Variants in MAGI2 observed in about 807,000 individuals in gnomAD.
The protein encoded by MAGI2 is membrane associated guanylate kinase, WW and PDZ domain containing 2.
MAGI2 carries 35 observed loss-of-function variants against 133.3 expected under a neutral mutation model. The observed-to-expected ratio is 0.26, with a 90% CI of 0.20 to 0.35. MAGI2 has a LOEUF of 0.35. MAGI2 is among the 10% of genes least tolerant of loss of function. The pLI, the probability that MAGI2 is intolerant of heterozygous loss-of-function variation, is 1.00. For missense variants in MAGI2, 1,636 were observed against 1,863.4 expected (o/e 0.88, Z 2.25); for synonymous variants, 729 against 710.6 (o/e 1.03, Z -0.41).
At chr7:78,397,397 A>C (rs1346209987) in intron 6 of MAGI2, among the ~76,000 whole-genome samples, 2 of 146,956 alleles carry the variant, frequency 1.4e-5, no homozygotes, top group Non-Finnish European at 3.0e-5. Context: ...ACACACACAC[A>C]CCCCTTGTCT....
At chr7:79,229,877 C>T (rs994340734) in intron 1 of MAGI2, among the ~76,000 whole-genome samples, 50 of 151,166 alleles carry the variant, frequency 3.3e-4, no homozygotes, top group African/African-American at 1.2e-3. Context: ...ATGTGCCATG[C>T]TGGTGCAGTG....
rs566412553 is a variant in MAGI2, at chr7:78,683,237, C to T, written c.419-55998G>A. ...TGTCTTATCCATTGTAAGGGCAATA[C>T]CAATCAGGAGGACCTATTTAGAGGC... On this transcript the variant is annotated intron_variant, in intron 2 of 21. Transcript: ENST00000354212. 1.5e-3 allele frequency among the ~76,000 whole-genome samples: 222 copies of T among 152,168 alleles called. 1 individual carries two copies. Among genetic ancestry groups the T allele is most frequent in the South Asian group, 9.1e-3 (44 of 4,826 alleles).
intron 1 of MAGI2, among the ~76,000 whole-genome samples, chr7:79,048,507 T>C (rs1218284592): frequency 6.6e-6 from 1 of 152,238 alleles, no homozygotes; most frequent in Non-Finnish European, 1.5e-5. Flanking sequence ...CATTTTTTAG[T>C]GTGTTTCAGC....
intron 1 of MAGI2, among the ~76,000 whole-genome samples, chr7:79,425,308 T>C (rs1381023361): frequency 6.6e-6 from 1 of 151,740 alleles, no homozygotes; most frequent in African/African-American, 2.4e-5. Flanking sequence ...CTTCCTGCTA[T>C]TTCAAATGTG....
chr7:79,348,300 T>C (rs1023003795), intron 1 of MAGI2, among the ~76,000 whole-genome samples: 5 of 151,886 alleles, frequency 3.3e-5, no homozygotes, highest in African/African-American at 1.2e-4. Flanking sequence ...AGTGGTATTT[T>C]TGAGTGAAAA....
At chr7:78,127,548 T>A (rs2074643) in intron 18 of MAGI2, 132 bp from the exon 19 acceptor site, 1 of 642,524 alleles carries the variant, frequency 1.6e-6, no homozygotes, top group Non-Finnish European at 2.7e-6. Flanking sequence ...TCCTGTTGGA[T>A]GCTCAGGATT....
chr7:79,243,180 T>C (rs1055010839), intron 1 of MAGI2, among the ~76,000 whole-genome samples: 1 of 152,080 alleles, frequency 6.6e-6, no homozygotes, highest in Non-Finnish European at 1.5e-5. Flanking sequence ...TATTACAGTG[T>C]TCTGAAAAGC....
At chr7:79,321,853 TG>T (rs1448509894) in intron 1 of MAGI2, among the ~76,000 whole-genome samples, 2 of 152,194 alleles carry the variant, frequency 1.3e-5, no homozygotes, top group African/African-American at 4.8e-5. Context: ...AAGTTACTAT[TG>T]TTGGAAATAG....
intron 2 of MAGI2, among the ~76,000 whole-genome samples, chr7:78,890,994 G>A (rs1796699596): frequency 6.6e-6 from 1 of 151,994 alleles, no homozygotes; most frequent in African/African-American, 2.4e-5. Flanking sequence ...GAATAATAAA[G>A]AAGAAAAGAG....
At chr7:79,144,983 T>C (rs1369811111) in intron 1 of MAGI2, among the ~76,000 whole-genome samples, 4 of 152,208 alleles carry the variant, frequency 2.6e-5, no homozygotes, top group Non-Finnish European at 5.9e-5. Context: ...GTTTCATTTT[T>C]GGTTTCTATG....
chr7:78,498,441 T>A (rs4730332), intron 5 of MAGI2, among the ~76,000 whole-genome samples: 92,252 of 152,026 alleles, frequency 0.61, 29,398 homozygotes, highest in African/African-American at 0.82. Flanking sequence ...AAGCAAAGGT[T>A]CTCACAGATC....
intron 9 of MAGI2, among the ~76,000 whole-genome samples, chr7:78,257,958 G>A (rs551229196): frequency 5.9e-5 from 9 of 152,326 alleles, no homozygotes; most frequent in African/African-American, 1.9e-4. Context: ...AACTTTTAGA[G>A]TTGACAACTT....
intron 21 of MAGI2, among the ~76,000 whole-genome samples, chr7:78,043,813 G>T (rs945385010): frequency 5.9e-5 from 9 of 152,146 alleles, no homozygotes; most frequent in Admixed American, 3.3e-4. Context: ...AACCTTAAGA[G>T]GTGTAAGTTT....
intron 1 of MAGI2, among the ~76,000 whole-genome samples, chr7:79,355,533 A>G (rs1841967620): frequency 1.3e-5 from 2 of 152,210 alleles, no homozygotes; most frequent in Non-Finnish European, 1.5e-5. Context: ...AAGTAAGTTC[A>G]CTGCAACTGA....
At chr7:78,528,959 C>T (rs1007980958) in intron 3 of MAGI2, among the ~76,000 whole-genome samples, 3 of 151,248 alleles carry the variant, frequency 2.0e-5, no homozygotes. Context: ...AGGAAGTCCA[C>T]AACTGTACAA....
At chr7:78,972,022 T>G (rs1235960336) in intron 2 of MAGI2, among the ~76,000 whole-genome samples, 2 of 151,934 alleles carry the variant, frequency 1.3e-5, no homozygotes, top group Non-Finnish European at 1.5e-5. Context: ...AAATAAGAGA[T>G]GAAAAGGGCC....
At chr7:79,156,758 G>A (rs36017637) in intron 1 of MAGI2, among the ~76,000 whole-genome samples, 2,146 of 152,098 alleles carry the variant, frequency 0.014, 23 homozygotes, top group Non-Finnish European at 0.022. Flanking sequence ...CTGTGTCCCT[G>A]GTAATGGTCA....
At chr7:78,241,990 T>C (rs117253556) in intron 10 of MAGI2, among the ~76,000 whole-genome samples, 2,355 of 152,154 alleles carry the variant, frequency 0.015, 25 homozygotes, top group Non-Finnish European at 0.023. Flanking sequence ...TCAATAGTTA[T>C]ATATCCTTGA....
chr7:78,212,690 C>T (rs775981074), intron 10 of MAGI2, among the ~76,000 whole-genome samples: 26 of 152,134 alleles, frequency 1.7e-4, no homozygotes, highest in Admixed American at 5.2e-4. Context: ...ATATAGCTGG[C>T]ATCTTTCCTA....
Sources: gnomAD v4.1 joint callset for allele counts (sites outside exome capture counted in the v4.1 genomes callset) on GRCh38, gnomAD v4.1.1 for gene constraint, MANE v1.5 for transcripts, NCBI Gene and HGNC (gene_info 2026-07-23, HGNC 2026-07-21) for gene names.